Variants in JAKMIP1 observed in about 807,000 individuals in gnomAD.
JAKMIP1 encodes the protein janus kinase and microtubule interacting protein 1.
JAKMIP1 carries 33 observed loss-of-function variants against 113.0 expected under a neutral mutation model. The ratio of observed to expected loss-of-function variants is 0.29; its 90% CI spans 0.22 to 0.39. The LOEUF is 0.39. Ranked by LOEUF, JAKMIP1 falls within the 10% of genes least tolerant of loss-of-function variation. The probability of loss-of-function intolerance (pLI) is 1.00; values close to 1 mark genes in which losing one functional copy is unlikely to be tolerated. For synonymous variants in JAKMIP1, 480 were observed against 459.9 expected, an observed-to-expected ratio of 1.04 and a Z score of -0.56; for missense variants, 813 against 1,080.5, an observed-to-expected ratio of 0.75 and a Z score of 3.47.
At chr4:6,027,258 C>A (rs1027687972) in intron 20 of JAKMIP1, among the ~76,000 whole-genome samples, 1 of 152,134 alleles carries the variant, frequency 6.6e-6, no homozygotes, top group Non-Finnish European at 1.5e-5. Context: ...TTCTTCTCCC[C>A]CCCAAAACAA....
Position 6,144,811 on chromosome 4 carries a change from T to C in JAKMIP1, c.-147-31814A>G, listed in dbSNP as rs553921402. On this transcript the variant is annotated intron_variant, in intron 1 of 20. Transcript: ENST00000409021. The stretch of plus-strand genomic sequence containing the variant: ...GAAACATTAACGCTTTCCCTTAAGA[T>C]CTGGAACAAGACAAAGATGTCTGTT... Among the ~76,000 whole-genome samples, 4 of 152,336 alleles carry C rather than the reference T, an allele frequency of 2.6e-5. No individual in the cohort carries two copies. The South Asian group carries it at 8.3e-4, about 32-fold the overall frequency.
intron 4 of JAKMIP1, 79 bp downstream of exon 4, chr4:6,085,341 C>T (rs1721143097): frequency 1.6e-6 from 2 of 1,241,142 alleles, no homozygotes; most frequent in Admixed American, 2.0e-5. Flanking sequence ...ACCTCAGAGT[C>T]CTCTGTGGCT....
In JAKMIP1 at chr4:6,080,810, G is replaced by A. The variant is rs1183279255; in HGVS notation, c.1102-498C>T. On this transcript the variant is annotated intron_variant, in intron 6 of 20. Coordinates refer to ENST00000409021, the MANE Select transcript of JAKMIP1 (RefSeq NM_001099433.2). The surrounding 1 kb of genome is among the most constrained non-coding windows in gnomAD (Gnocchi z 6.0). ...GACTAATACGTGGCCACCTTGTCCTGTGCTGGAAGAGGGGACAGGGCAGAC... is the reference window on the plus strand; with the variant it reads ...GACTAATACGTGGCCACCTTGTCCTATGCTGGAAGAGGGGACAGGGCAGAC... Among the ~76,000 whole-genome samples, 1 of 152,116 alleles carries A rather than the reference G, an allele frequency of 6.6e-6. No individual in the cohort carries two copies. The highest frequency in any genetic ancestry group is 1.5e-5 in the Non-Finnish European group (1 of 68,048).
At position 6,096,096 on chromosome 4, in the gene JAKMIP1, C is replaced by T. The variant is rs545893090; in HGVS notation, c.624+9377G>A. Among the ~76,000 whole-genome samples the T allele has an allele frequency of 7.9e-5, 12 of 152,226 alleles. No individual in the cohort carries two copies. The South Asian group carries it at 1.2e-3, about 16-fold the overall frequency. On this transcript the variant is annotated intron_variant, in intron 3 of 20. Coordinates refer to ENST00000409021, the MANE Select transcript of JAKMIP1 (RefSeq NM_001099433.2). The stretch of plus-strand genomic sequence containing the variant: ...GCAAAGATCGGGGCTGGAGCGCTCC[C>T]GGCCAAGGACACAGGAGTGCCTGTG...
intron 11 of JAKMIP1, among the ~76,000 whole-genome samples, chr4:6,058,056 G>A (rs527842955): frequency 6.6e-6 from 1 of 152,242 alleles, no homozygotes; most frequent in African/African-American, 2.4e-5. Context: ...AGCGTCCCAG[G>A]TACCAGCACT....
intron 12 of JAKMIP1, 28 bp downstream of exon 12, chr4:6,056,669 T>C: frequency 1.3e-6 from 2 of 1,595,350 alleles, no homozygotes; most frequent in Non-Finnish European, 1.7e-6. Context: ...CCTGCGGCTG[T>C]GTGCTTCCCT....
At chr4:6,053,906 A>AAAAAG in intron 13 of JAKMIP1, 144 bp downstream of exon 13, 2 of 1,532,166 alleles carry the variant, frequency 1.3e-6, no homozygotes, top group African/African-American at 2.8e-5. Flanking sequence ...TTTAAAAAAA[A>AAAAAG]AAAGAAAGAA....
intron 8 of JAKMIP1, among the ~76,000 whole-genome samples, chr4:6,068,604 C>T (rs139004804): frequency 3.4e-5 from 5 of 145,806 alleles, no homozygotes; most frequent in South Asian, 4.3e-4. Context: ...GTCGCCCAGG[C>T]TGGAGAGCAG....
Position 6,140,250 on chromosome 4 carries a change from C to CTTTTT in JAKMIP1, c.-147-27258_-147-27254dup, listed in dbSNP as rs35255967. On this transcript the variant is annotated intron_variant, in intron 1 of 20. Coordinates refer to ENST00000409021, the MANE Select transcript of JAKMIP1 (RefSeq NM_001099433.2). This position sits in a 1 kb window ranked among gnomAD's most constrained non-coding sequence, Gnocchi z 9.4. ...CTGCTCCCTATTTTTCTTTTTTCCT[C>CTTTTT]TTTTTTTTTTTTTTTTCTGTGGGGA... 1.4e-5 allele frequency among the ~76,000 whole-genome samples: 2 copies of CTTTTT among 140,208 alleles called. No homozygotes were observed. Among genetic ancestry groups the CTTTTT allele is most frequent in the African/African-American group, 5.2e-5 (2 of 38,174 alleles). 92.0% of individuals were successfully genotyped at this position (140,208 alleles called of 152,430 possible).
chr4:6,173,855 C>A (rs756431601), intron 1 of JAKMIP1, among the ~76,000 whole-genome samples: 1 of 152,126 alleles, frequency 6.6e-6, no homozygotes, highest in Non-Finnish European at 1.5e-5. Context: ...GCGGGCGGAT[C>A]GCTCGAGGCC....
In JAKMIP1 at chr4:6,054,506, G is replaced by C. The variant is rs532748310; in HGVS notation, c.1708-358C>G. Among the ~76,000 whole-genome samples, 4 of 152,304 alleles carry C rather than the reference G, an allele frequency of 2.6e-5. No individual in the cohort carries two copies. The East Asian group carries it at 5.8e-4, about 22-fold the overall frequency. On this transcript the variant is annotated intron_variant, in intron 12 of 20. Coordinates refer to ENST00000409021, the MANE Select transcript of JAKMIP1 (RefSeq NM_001099433.2). ...AGGCCAAACACTGGGAAGCAAGAGT[G>C]CCACACCCAAAGCCTGTCCAGGTCT...
intron 2 of JAKMIP1, among the ~76,000 whole-genome samples, chr4:6,107,176 G>C (rs1707633879): frequency 6.6e-6 from 1 of 152,158 alleles, no homozygotes; most frequent in Non-Finnish European, 1.5e-5. Flanking sequence ...AGTGGATTTA[G>C]CAGCAGGAAG....
At chr4:6,091,247 TG>T (rs10713882) in intron 3 of JAKMIP1, among the ~76,000 whole-genome samples, 146,822 of 152,302 alleles carry the variant, frequency 0.96, 71,000 homozygotes, top group East Asian at 1. Flanking sequence ...GATACCTGAA[TG>T]GGGGGAGATT....
chr4:6,027,946 C>T (rs1375176365), intron 20 of JAKMIP1, among the ~76,000 whole-genome samples: 1 of 152,162 alleles, frequency 6.6e-6, no homozygotes, highest in Non-Finnish European at 1.5e-5. Context: ...TGGGAAGAAC[C>T]GGTGCTGCCA....
At chr4:6,039,129 C>T (rs1713963399) in intron 18 of JAKMIP1, among the ~76,000 whole-genome samples, 1 of 152,182 alleles carries the variant, frequency 6.6e-6, no homozygotes, top group African/African-American at 2.4e-5. Flanking sequence ...GTGAAGGTAG[C>T]TTCTGTATGG....
At chr4:6,164,537 T>C (rs766653106) in intron 1 of JAKMIP1, among the ~76,000 whole-genome samples, 1 of 152,216 alleles carries the variant, frequency 6.6e-6, no homozygotes, top group Non-Finnish European at 1.5e-5. Flanking sequence ...AGTAGTATTA[T>C]TTAAGAAATA....
chr4:6,066,492 CCA>C (rs1718098235), intron 8 of JAKMIP1, among the ~76,000 whole-genome samples: 1 of 152,154 alleles, frequency 6.6e-6, no homozygotes, highest in African/African-American at 2.4e-5. Flanking sequence ...CCCCCGAACT[CCA>C]GACTCATACG....
Position 6,062,430 on chromosome 4 carries a change from C to A in JAKMIP1, c.1442G>T (p.Arg481Leu), listed in dbSNP as rs530379301. 2 of 1,613,110 alleles carry A rather than the reference C, an allele frequency of 1.2e-6. No individual in the cohort carries two copies. The highest frequency in any genetic ancestry group is 1.7e-5 in the Admixed American group (1 of 59,994). The change falls in exon 10 of 21, where the codon CGA becomes CTA. Residue 481 changes from arginine (R) to leucine (L), a missense_variant. This residue lies in a region of JAKMIP1 where 540 missense variants were observed against 653.9 expected (regional missense o/e 0.83). Coordinates refer to ENST00000409021, the MANE Select transcript of JAKMIP1 (RefSeq NM_001099433.2). Reference protein sequence around the residue: ...PEEDLDDATAREEADLRFCQL... With the variant: ...PEEDLDDATALEEADLRFCQL... ...GCAGAAGCGCAGGTCAGCCTCCTCT[C>A]GGGCTGTGGCCTTCACATAATGGAG...
intron 16 of JAKMIP1, 45 bp downstream of exon 16, chr4:6,048,809 TGGG>T (rs1715309132): frequency 6.6e-7 from 1 of 1,506,128 alleles, no homozygotes; most frequent in Non-Finnish European, 9.2e-7. Context: ...TGTATGGTGC[TGGG>T]AAGCTGGGAC....
Sources: gnomAD v4.1 joint callset for allele counts (sites outside exome capture counted in the v4.1 genomes callset) on GRCh38, gnomAD v4.1.1 for gene constraint, gnomAD v4.1.1 regional missense constraint, Gnocchi (gnomAD v3.1) non-coding constraint, MANE v1.5 for transcripts, NCBI Gene and HGNC (gene_info 2026-07-23, HGNC 2026-07-21) for gene names.